The following GSTM4 variants were observed in gnomAD, a reference collection of about 807,000 sequenced individuals.
GSTM4 encodes glutathione S-transferase mu 4.
GSTM4 carries 27 observed loss-of-function variants against 30.1 expected under a neutral mutation model. That is an observed-to-expected ratio of 0.90 (90% CI 0.66 to 1.24). The LOEUF (loss-of-function observed/expected upper bound fraction) is 1.24, where lower values mean the gene tolerates loss of function less well. Ranked by LOEUF, GSTM4 falls within the 50% of genes most tolerant of loss-of-function variation. The pLI, the probability that GSTM4 is intolerant of heterozygous loss-of-function variation, is 0.00. For synonymous variants in GSTM4, 94 were observed against 96.2 expected (o/e 0.98, Z 0.13); for missense variants, 238 against 272.1 (o/e 0.87, Z 0.88).
intron 2 of GSTM4, 127 bp downstream of exon 2, chr1:109,656,914 A>C: frequency 9.9e-7 from 1 of 1,007,712 alleles, no homozygotes; most frequent in South Asian, 1.3e-5. Flanking sequence ...CCCTTCCCTG[A>C]GCCCCGGTGA....
chr1:109,664,548 T>G (rs1647236999), downstream of GSTM4, among the ~76,000 whole-genome samples: 1 of 151,444 alleles, frequency 6.6e-6, no homozygotes, highest in Non-Finnish European at 1.5e-5. Flanking sequence ...TTAGTAGAGA[T>G]GGGGTTTCAC....
At chr1:109,665,547 A>G (rs1408295108), downstream of GSTM4, 1 of 152,978 alleles carries the variant, frequency 6.5e-6, no homozygotes, top group Non-Finnish European at 1.5e-5. Context: ...CTGACCTAGT[A>G]CACATAGCAA....
chr1:109,658,421 G>T, intron 5 of GSTM4: 1 of 246,892 alleles, frequency 4.1e-6, no homozygotes. Flanking sequence ...AATGTCCATT[G>T]TATTATTCTG....
chr1:109,658,089 G>A (rs2101219826), intron 5 of GSTM4: 4 of 573,438 alleles, frequency 7.0e-6, no homozygotes, highest in Non-Finnish European at 1.2e-5. Flanking sequence ...TCAGTTCCTA[G>A]ACAATAAAGT....
At chr1:109,656,456 G>A (rs777513166) in intron 1 of GSTM4, 31 bp downstream of exon 1, 31 of 1,612,806 alleles carry the variant, frequency 1.9e-5, no homozygotes, top group Non-Finnish European at 2.5e-5. Flanking sequence ...CTGTGGGACC[G>A]GGCGCGTGGG....
At position 109,656,373 on chromosome 1, in the gene GSTM4, C is replaced by G. The variant is rs1241797585; in HGVS notation, c.-17C>G. ...CCCAGCTGAGGCCTGTCTGCAGAAT[C>G]GACACCAACCAGCATCATGTCCATG... On this transcript the variant is annotated 5_prime_UTR_variant, in exon 1 of 8. The change creates a new upstream start codon in the 5' untranslated region. Transcript: ENST00000369836. The G allele has an allele frequency of 6.2e-7, 1 of 1,613,494 alleles. No individual in the cohort carries two copies. The highest frequency in any genetic ancestry group is 8.5e-7 in the Non-Finnish European group (1 of 1,179,522).
downstream of GSTM4, among the ~76,000 whole-genome samples, chr1:109,663,912 A>G (rs1263202439): frequency 2.0e-5 from 3 of 152,250 alleles, no homozygotes; most frequent in African/African-American, 7.2e-5. Flanking sequence ...GTTATTAGGC[A>G]AATTATAGGC....
At chr1:109,656,547 T>A in intron 1 of GSTM4, 122 bp downstream of exon 1, 1 of 893,004 alleles carries the variant, frequency 1.1e-6, no homozygotes, top group Non-Finnish European at 1.7e-6. Flanking sequence ...GGCCTGTGCA[T>A]GCCTGTGTGT....
downstream of GSTM4, among the ~76,000 whole-genome samples, chr1:109,662,015 A>T (rs1480148963): frequency 6.6e-6 from 1 of 151,866 alleles, no homozygotes; most frequent in East Asian, 1.9e-4. Context: ...TTTTGTAGAG[A>T]TGTGTCTCTT....
Position 109,661,632 on chromosome 1 carries a change from T to A in GSTM4, c.*378T>A. ...TGTTGCATGACAGCATTGACTGGTT[T>A]ACAGGCCCTGCTCCTGCAGCATGGC... On this transcript the variant is annotated 3_prime_UTR_variant, in exon 8 of 8. Transcript: ENST00000369836. 1.7e-6 allele frequency: 2 copies of A among 1,177,742 alleles called. No individual in the cohort carries two copies. The highest frequency in any genetic ancestry group is 2.1e-6 in the Non-Finnish European group (2 of 947,336). 73.0% of individuals were successfully genotyped at this position (1,177,742 alleles called of 1,614,324 possible). A position where few individuals can be genotyped will look rare whatever the true frequency, so the allele number is the denominator to read the frequency against.
chr1:109,660,977 C>A lies in GSTM4; in HGVS notation c.568-188C>A, dbSNP rs567239280. ...TAGCTGTTACTGTGGTACAACATTACTTAAAGGAAGTTGGAAGAGTTAACT... is the reference window on the plus strand; with the variant it reads ...TAGCTGTTACTGTGGTACAACATTAATTAAAGGAAGTTGGAAGAGTTAACT... On this transcript the variant is annotated intron_variant, in intron 7 of 7. Coordinates refer to ENST00000369836, the MANE Select transcript of GSTM4 (RefSeq NM_000850.5). 1.5e-4 allele frequency: 98 copies of A among 633,658 alleles called. No individual in the cohort carries two copies. The African/African-American group carries it at 1.8e-3, about 11-fold the overall frequency. 39.3% of individuals were successfully genotyped at this position (633,658 alleles called of 1,614,324 possible).
chr1:109,658,667 G>T, intron 5 of GSTM4, 147 bp from the exon 6 acceptor site: 1 of 683,242 alleles, frequency 1.5e-6, no homozygotes, highest in Non-Finnish European at 2.7e-6. Flanking sequence ...TGTAATAAAT[G>T]CTGGTATGTC....
rs147314051 is a variant in GSTM4 at position 109,656,902 on chromosome 1, G to C, written c.112+115G>C. On this transcript the variant is annotated intron_variant, in intron 2 of 7. Coordinates refer to ENST00000369836, the MANE Select transcript of GSTM4 (RefSeq NM_000850.5). ...GCCTCCCCTGCTGGAGCTGCAGGCT[G>C]TCCCTTCCCTGAGCCCCGGTGAGGG... The C allele has an allele frequency of 1.7e-3, 1,922 of 1,099,272 alleles. 23 individuals carry two copies. In the African/African-American group the frequency reaches 0.026, roughly 15 times the overall value. The allele number at this position is 1,099,272 out of a possible 1,614,324, so 68.1% of individuals were successfully genotyped here.
chr1:109,661,803 A>C, downstream of GSTM4: 1 of 690,340 alleles, frequency 1.4e-6, no homozygotes, highest in Non-Finnish European at 1.8e-6. Flanking sequence ...CTGGGTTCAT[A>C]GAGATTATGA....
At chr1:109,666,637 C>T (rs1297317238), downstream of GSTM4, among the ~76,000 whole-genome samples, 1 of 152,204 alleles carries the variant, frequency 6.6e-6, no homozygotes, top group African/African-American at 2.4e-5. Context: ...CAGCTGGTGT[C>T]CAGGGAAGTG....
chr1:109,658,184 T>G (rs556060923), intron 5 of GSTM4: 1 of 403,700 alleles, frequency 2.5e-6, no homozygotes, highest in South Asian at 2.7e-5. Context: ...ATCTGCCTGT[T>G]CGGGGAATAC....
chr1:109,658,629 A>G lies in GSTM4; in HGVS notation c.361-185A>G, dbSNP rs1000659236. 8 of 618,990 alleles carry G rather than the reference A, an allele frequency of 1.3e-5. No individual in the cohort carries two copies. In the African/African-American group the frequency reaches 1.3e-4, roughly 10 times the overall value. The allele number at this position is 618,990 out of a possible 1,614,324, so 38.3% of individuals were successfully genotyped here. On this transcript the variant is annotated intron_variant, in intron 5 of 7. Coordinates refer to ENST00000369836, the MANE Select transcript of GSTM4 (RefSeq NM_000850.5). ...CATTCCTCTCTGCCTTCCCATCACC[A>G]CAAAAGCCTCCAGCTACCCATTTGG...
At chr1:109,658,764 T>G in intron 5 of GSTM4, 50 bp from the exon 6 acceptor site, 1 of 1,361,172 alleles carries the variant, frequency 7.3e-7, no homozygotes, top group Non-Finnish European at 1.1e-6. Flanking sequence ...AGGCCACATC[T>G]GTGCAGGGAG....
At chr1:109,659,700 GGGT>G (rs1652218820) in intron 7 of GSTM4, 2 of 390,174 alleles carry the variant, frequency 5.1e-6, no homozygotes, top group Admixed American at 6.1e-5. Flanking sequence ...GTACATATGT[GGGT>G]GCCCCTGTTG....
Sources: allele counts gnomAD v4.1 joint callset (sites outside exome capture counted in the v4.1 genomes callset), GRCh38; gene constraint gnomAD v4.1.1; transcripts MANE v1.5; gene names NCBI Gene and HGNC (gene_info 2026-07-23, HGNC 2026-07-21).